NAALADL2: variants seen among roughly 807,000 people sequenced by gnomAD.
The protein encoded by NAALADL2 is N-acetylated alpha-linked acidic dipeptidase like 2, also known as inactive N-acetylated-alpha-linked acidic dipeptidase-like protein 2.
In NAALADL2, 76 loss-of-function variants were observed where a neutral mutation model predicts 87.2. That is an observed-to-expected ratio of 0.87 (90% CI 0.72 to 1.05). The LOEUF (loss-of-function observed/expected upper bound fraction) is 1.05. Ranked by LOEUF, NAALADL2 falls within the 50% of genes least tolerant of loss-of-function variation. The pLI, the probability that NAALADL2 is intolerant of heterozygous loss-of-function variation, is 0.00. For synonymous variants in NAALADL2, 354 were observed against 331.0 expected (o/e 1.07, Z -0.75); for missense variants, 1,089 against 945.8 (o/e 1.15, Z -1.99).
At chr3:175,797,802 A>G (rs1347293349) in intron 13 of NAALADL2, among the ~76,000 whole-genome samples, 1 of 152,096 alleles carries the variant, frequency 6.6e-6, no homozygotes, top group Non-Finnish European at 1.5e-5. Flanking sequence ...CCATAAGAGT[A>G]TTGATCTAAT....
intron 1 of NAALADL2, among the ~76,000 whole-genome samples, chr3:174,488,407 T>C (rs1717989283): frequency 6.6e-6 from 1 of 151,992 alleles, no homozygotes; most frequent in Non-Finnish European, 1.5e-5. Context: ...TTAAGTGAAA[T>C]AATATATATA....
At chr3:174,710,033 T>A (rs925580163) in intron 2 of NAALADL2, among the ~76,000 whole-genome samples, 2 of 152,170 alleles carry the variant, frequency 1.3e-5, no homozygotes, top group African/African-American at 4.8e-5. Flanking sequence ...ATGTATTGGC[T>A]TATATGGTAG....
chr3:174,725,963 G>A (rs548309133), intron 2 of NAALADL2, among the ~76,000 whole-genome samples: 2 of 152,190 alleles, frequency 1.3e-5, no homozygotes, highest in African/African-American at 4.8e-5. Flanking sequence ...ATTCCTCATG[G>A]ATTATCTACC....
At chr3:175,741,985 T>G (rs1242866207) in intron 12 of NAALADL2, among the ~76,000 whole-genome samples, 1 of 152,224 alleles carries the variant, frequency 6.6e-6, no homozygotes. Context: ...GGGACTTCCA[T>G]GTCATAAGTA....
At chr3:175,188,143 A>G (rs1032624492) in intron 2 of NAALADL2, among the ~76,000 whole-genome samples, 2 of 152,090 alleles carry the variant, frequency 1.3e-5, no homozygotes, top group African/African-American at 4.8e-5. Context: ...TTCTATCATG[A>G]ATTTTGACAG....
intron 5 of NAALADL2, among the ~76,000 whole-genome samples, chr3:175,418,711 T>A (rs1364537776): frequency 1.3e-5 from 2 of 151,974 alleles, no homozygotes; most frequent in Non-Finnish European, 2.9e-5. Context: ...TCAATGACAA[T>A]AATGGTCAAA....
intron 1 of NAALADL2, among the ~76,000 whole-genome samples, chr3:174,466,188 G>A (rs542309281): frequency 6.6e-6 from 1 of 152,002 alleles, no homozygotes; most frequent in South Asian, 2.1e-4. Context: ...GAACAAACTT[G>A]TCCAACCTGT....
At chr3:175,695,769 G>A (rs1737709382) in intron 11 of NAALADL2, among the ~76,000 whole-genome samples, 1 of 152,008 alleles carries the variant, frequency 6.6e-6, no homozygotes, top group Non-Finnish European at 1.5e-5. Context: ...ATCCTCTGAG[G>A]AATAAACAAC....
chr3:174,548,940 A>T (rs1711748567), intron 1 of NAALADL2, among the ~76,000 whole-genome samples: 1 of 152,196 alleles, frequency 6.6e-6, no homozygotes, highest in South Asian at 2.1e-4. Flanking sequence ...CTCTGGGCTC[A>T]GCTGATCCTT....
intron 2 of NAALADL2, among the ~76,000 whole-genome samples, chr3:174,565,835 G>A (rs568713374): frequency 6.6e-6 from 1 of 152,058 alleles, no homozygotes; most frequent in East Asian, 1.9e-4. Flanking sequence ...GCAGCATTTG[G>A]TGATGTCAAT....
intron 2 of NAALADL2, among the ~76,000 whole-genome samples, chr3:174,554,930 T>C (rs1453101611): frequency 1.3e-5 from 2 of 152,198 alleles, no homozygotes; most frequent in Non-Finnish European, 2.9e-5. Flanking sequence ...AAGTCCCATT[T>C]CTCATAGATG....
chr3:174,712,631 C>T (rs907347743), intron 2 of NAALADL2, among the ~76,000 whole-genome samples: 1 of 151,886 alleles, frequency 6.6e-6, no homozygotes, highest in Non-Finnish European at 1.5e-5. Context: ...CATGATCCAC[C>T]CGCCTCAGCC....
In NAALADL2 at chr3:175,806,732, A is replaced by T. The variant is rs186652698; in HGVS notation, c.*3529A>T. On this transcript the variant is annotated 3_prime_UTR_variant, in exon 14 of 14. Transcript: ENST00000454872. ...TTTTTTTTAATTCCCACAACAACCC[A>T]TTTCAAAATGAGAAAACTAGGTTGA... 42 of 130,902 alleles carry T rather than the reference A, an allele frequency of 3.2e-4. No homozygotes were observed. The East Asian group carries it at 8.9e-3, about 28-fold the overall frequency. The allele number at this position is 130,902 out of a possible 1,614,324, so 8.1% of individuals were successfully genotyped here.
intron 5 of NAALADL2, among the ~76,000 whole-genome samples, chr3:175,442,981 G>A (rs775296129): frequency 3.3e-5 from 5 of 152,062 alleles, no homozygotes; most frequent in Non-Finnish European, 7.4e-5. Flanking sequence ...AAATATCACT[G>A]AATAAAAATA....
intron 9 of NAALADL2, among the ~76,000 whole-genome samples, chr3:175,563,338 A>G (rs139520335): frequency 6.6e-6 from 1 of 152,290 alleles, no homozygotes; most frequent in Non-Finnish European, 1.5e-5. Context: ...CTGACTTCCT[A>G]CAGATGCCTA....
intron 9 of NAALADL2, among the ~76,000 whole-genome samples, chr3:175,501,627 A>G (rs116399553): frequency 0.021 from 3,266 of 152,212 alleles, 116 homozygotes; most frequent in African/African-American, 0.074. Flanking sequence ...TAGTGATTGA[A>G]GGTCTGATAA....
At chr3:174,615,646 A>T (rs140972509) in intron 2 of NAALADL2, among the ~76,000 whole-genome samples, 33 of 152,196 alleles carry the variant, frequency 2.2e-4, no homozygotes, top group Non-Finnish European at 4.3e-4. Context: ...ATGTCACCTG[A>T]AAGTGACCTT....
intron 1 of NAALADL2, among the ~76,000 whole-genome samples, chr3:174,878,285 G>C (rs148099998): frequency 1.3e-4 from 20 of 152,146 alleles, no homozygotes; most frequent in African/African-American, 4.3e-4. Flanking sequence ...TCAGATGAAA[G>C]ATTTCTATAT....
intron 3 of NAALADL2, among the ~76,000 whole-genome samples, chr3:174,793,558 A>T (rs1164147714): frequency 2.0e-5 from 3 of 152,170 alleles, no homozygotes; most frequent in Non-Finnish European, 4.4e-5. Flanking sequence ...TTCTGAGTAT[A>T]GTAAGTTGTA....
Sources: gnomAD v4.1 joint callset for allele counts (sites outside exome capture counted in the v4.1 genomes callset) on GRCh38, gnomAD v4.1.1 for gene constraint, MANE v1.5 for transcripts, NCBI Gene and HGNC (gene_info 2026-07-23, HGNC 2026-07-21) for gene names.